PTPRK: variants seen among roughly 807,000 people sequenced by gnomAD.
PTPRK encodes protein tyrosine phosphatase receptor type K.
Under a neutral mutation model 178.0 loss-of-function variants are expected in PTPRK, and 75 were observed. The ratio of observed to expected loss-of-function variants is 0.42; its 90% CI spans 0.35 to 0.51. PTPRK has a LOEUF of 0.51. Ranked by LOEUF, PTPRK falls within the 20% of genes least tolerant of loss-of-function variation. PTPRK has a pLI of 0.02. For synonymous variants in PTPRK, 637 were observed against 620.6 expected (o/e 1.03, Z -0.39); for missense variants, 1,441 against 1,797.8 (o/e 0.80, Z 3.59).
At chr6:128,236,633 C>T (rs1389262850) in intron 5 of PTPRK, among the ~76,000 whole-genome samples, 1 of 152,094 alleles carries the variant, frequency 6.6e-6, no homozygotes, top group East Asian at 1.9e-4. Context: ...AGGCGTGAGC[C>T]ACTGCGCCCG....
intron 2 of PTPRK, among the ~76,000 whole-genome samples, chr6:128,332,577 GAAAAT>G (rs1830419976): frequency 6.6e-6 from 1 of 152,140 alleles, no homozygotes; most frequent in Non-Finnish European, 1.5e-5. Flanking sequence ...AAACAGTAAA[GAAAAT>G]AAAACTAGAA....
chr6:127,974,526 G>A (rs1386622496), intron 27 of PTPRK, among the ~76,000 whole-genome samples: 2 of 152,164 alleles, frequency 1.3e-5, no homozygotes. Context: ...TCTGGTCTTA[G>A]CACTGAAGGC....
chr6:128,092,614 T>C (rs1269902143), intron 7 of PTPRK, among the ~76,000 whole-genome samples: 1 of 152,176 alleles, frequency 6.6e-6, no homozygotes, highest in Non-Finnish European at 1.5e-5. Context: ...TGCTATAGCA[T>C]ACAAACTTCT....
At chr6:128,417,766 C>T (rs1252815828) in intron 1 of PTPRK, among the ~76,000 whole-genome samples, 1 of 152,128 alleles carries the variant, frequency 6.6e-6, no homozygotes, top group African/African-American at 2.4e-5. Flanking sequence ...TTGCCAGGAA[C>T]TCATGGTTTG....
chr6:128,179,227 T>C (rs756424389), intron 7 of PTPRK, among the ~76,000 whole-genome samples: 1 of 152,052 alleles, frequency 6.6e-6, no homozygotes, highest in Non-Finnish European at 1.5e-5. Flanking sequence ...TGTGAGGCAT[T>C]GGTTGTATAA....
At chr6:128,456,590 T>A (rs1338676586) in intron 1 of PTPRK, among the ~76,000 whole-genome samples, 3 of 152,100 alleles carry the variant, frequency 2.0e-5, no homozygotes, top group Non-Finnish European at 4.4e-5. Flanking sequence ...ATAAGATAAC[T>A]ATAATTACCA....
intron 3 of PTPRK, among the ~76,000 whole-genome samples, chr6:128,285,392 G>A (rs1822317673): frequency 6.6e-6 from 1 of 151,892 alleles, no homozygotes; most frequent in South Asian, 2.1e-4. Context: ...ACGGGTGCTT[G>A]TAATCCCAGC....
intron 7 of PTPRK, among the ~76,000 whole-genome samples, chr6:128,123,337 C>G (rs1792786200): frequency 6.6e-6 from 1 of 152,140 alleles, no homozygotes; most frequent in Non-Finnish European, 1.5e-5. Flanking sequence ...TAGGTTGTTT[C>G]AATTCACCCA....
At chr6:128,384,441 T>C (rs190592902) in intron 2 of PTPRK, among the ~76,000 whole-genome samples, 11 of 152,228 alleles carry the variant, frequency 7.2e-5, no homozygotes, top group South Asian at 2.1e-4. Flanking sequence ...CAATATAATA[T>C]GTAAATCAGG....
At chr6:128,041,866 C>CTA (rs1253282094) in intron 13 of PTPRK, among the ~76,000 whole-genome samples, 1 of 151,242 alleles carries the variant, frequency 6.6e-6, no homozygotes, top group African/African-American at 2.4e-5. Context: ...GTATATATAG[C>CTA]TATATATATA....
intron 3 of PTPRK, among the ~76,000 whole-genome samples, chr6:128,252,844 T>C (rs542985215): frequency 1.3e-5 from 2 of 152,330 alleles, no homozygotes; most frequent in African/African-American, 4.8e-5. Context: ...TGTTAGCCCC[T>C]TTCCTGACCT....
At chr6:128,039,999 A>C (rs1776901944) in intron 13 of PTPRK, among the ~76,000 whole-genome samples, 1 of 152,180 alleles carries the variant, frequency 6.6e-6, no homozygotes, top group Admixed American at 6.6e-5. Context: ...TCTAAATTTA[A>C]AAAAAGCAAA....
chr6:128,016,618 T>C (rs540498399), intron 13 of PTPRK, among the ~76,000 whole-genome samples: 2 of 152,002 alleles, frequency 1.3e-5, no homozygotes, highest in African/African-American at 4.8e-5. Context: ...ACTTTACTTA[T>C]GGTATGAATA....
intron 25 of PTPRK, among the ~76,000 whole-genome samples, chr6:127,979,960 T>A (rs1775092491): frequency 6.6e-6 from 1 of 152,162 alleles, no homozygotes; most frequent in Admixed American, 6.5e-5. Context: ...GGGCGGATCA[T>A]GAGGTCAGGA....
chr6:128,308,941 A>C (rs1826841385), intron 3 of PTPRK, among the ~76,000 whole-genome samples: 1 of 152,176 alleles, frequency 6.6e-6, no homozygotes, highest in African/African-American at 2.4e-5. Flanking sequence ...GAAAAGAATC[A>C]AAGATTCAGG....
chr6:128,069,464 A>G (rs1203682814), intron 11 of PTPRK, among the ~76,000 whole-genome samples: 2 of 152,196 alleles, frequency 1.3e-5, no homozygotes, highest in Non-Finnish European at 2.9e-5. Flanking sequence ...ATACATACGC[A>G]TAGCCCTGGA....
At chr6:128,267,551 A>G (rs1208201017) in intron 3 of PTPRK, among the ~76,000 whole-genome samples, 1 of 152,114 alleles carries the variant, frequency 6.6e-6, no homozygotes, top group African/African-American at 2.4e-5. Context: ...AAAACTGTGT[A>G]ACTTCCTCTC....
intron 13 of PTPRK, among the ~76,000 whole-genome samples, chr6:128,039,185 T>G (rs1026731894): frequency 1.3e-5 from 2 of 152,088 alleles, no homozygotes; most frequent in African/African-American, 2.4e-5. Context: ...TCCCAAGAAA[T>G]CTGAATAAAC....
chr6:128,347,227 T>C (rs1353313521), intron 2 of PTPRK, among the ~76,000 whole-genome samples: 1 of 152,116 alleles, frequency 6.6e-6, no homozygotes, highest in Non-Finnish European at 1.5e-5. Flanking sequence ...GCAAGCTTGA[T>C]GGGATCAGAG....
Sources: gnomAD v4.1 joint callset for allele counts (sites outside exome capture counted in the v4.1 genomes callset) on GRCh38, gnomAD v4.1.1 for gene constraint, MANE v1.5 for transcripts, NCBI Gene and HGNC (gene_info 2026-07-23, HGNC 2026-07-21) for gene names.